Variants in PEAK1 observed in about 807,000 individuals in gnomAD.
PEAK1 encodes the protein pseudopodium enriched atypical kinase 1.
A neutral mutation model predicts 124.7 loss-of-function variants in PEAK1; 54 were observed. That is an observed-to-expected ratio of 0.43 (90% confidence interval 0.35 to 0.54). PEAK1 has a LOEUF of 0.54. Among genes scored for constraint, PEAK1 ranks in the 20% least tolerant of loss-of-function variants. The probability of loss-of-function intolerance (pLI) is 0.01; values close to 1 mark genes in which losing one functional copy is unlikely to be tolerated. For synonymous variants in PEAK1, 719 were observed against 760.0 expected, an observed-to-expected ratio of 0.95 and a Z score of 0.89; for missense variants, 2,046 against 2,134.5, an observed-to-expected ratio of 0.96 and a Z score of 0.82.
chr15:77,373,650 A>G (rs2141714033), intron 1 of PEAK1, among the ~76,000 whole-genome samples: 1 of 152,352 alleles, frequency 6.6e-6, no homozygotes, highest in African/African-American at 2.4e-5. Context: ...ATAAAGGATG[A>G]AGGGGTTCTT....
In PEAK1 at chr15:77,179,856, AC is replaced by A; in HGVS notation, c.2070del (p.Ser692GlnfsTer54). ...CTTTTATGCTCTGTGCTGTTTGAAA[AC>A]CCTTTAGTTTGAAGACAGTCAGTGG... ...SKTTDCLQTK[G>X]FSNSTEHKRG... is the part of the protein sequence containing the mutation. On this transcript the variant is annotated frameshift_variant, in exon 7 of 10. Coordinates refer to ENST00000682557, the MANE Select transcript of PEAK1 (RefSeq NM_001385026.1). LOFTEE classifies it high-confidence loss of function. The A allele has an allele frequency of 6.2e-7, 1 of 1,610,502 alleles. No homozygotes were observed. The highest frequency in any genetic ancestry group is 8.5e-7 in the Non-Finnish European group (1 of 1,178,698).
intron 5 of PEAK1, among the ~76,000 whole-genome samples, chr15:77,273,761 C>A (rs1049145644): frequency 2.0e-5 from 3 of 152,034 alleles, no homozygotes; most frequent in African/African-American, 4.8e-5. Context: ...CCATTCTTCA[C>A]AGAACTAGAA....
chr15:77,164,718 T>C (rs1290981180), intron 7 of PEAK1, among the ~76,000 whole-genome samples: 2 of 152,212 alleles, frequency 1.3e-5, no homozygotes, highest in African/African-American at 4.8e-5. Context: ...GTTGCCATTC[T>C]CAATAAGAAT....
At chr15:77,330,567 G>T (rs997609993) in intron 2 of PEAK1, among the ~76,000 whole-genome samples, 1 of 151,962 alleles carries the variant, frequency 6.6e-6, no homozygotes, top group South Asian at 2.1e-4. Context: ...CTCCTCCCTG[G>T]TTTAACTGTG....
chr15:77,159,880 C>T (rs1596401849), intron 7 of PEAK1, among the ~76,000 whole-genome samples: 2 of 152,126 alleles, frequency 1.3e-5, no homozygotes, highest in Admixed American at 6.6e-5. Context: ...AAAAATAAGC[C>T]TTGATGTCTG....
At chr15:77,236,313 C>T (rs1347230938) in intron 6 of PEAK1, among the ~76,000 whole-genome samples, 3 of 152,212 alleles carry the variant, frequency 2.0e-5, no homozygotes, top group Non-Finnish European at 2.9e-5. Flanking sequence ...TACCCAAGGC[C>T]ATGGGAGCCC....
chr15:77,248,854 T>G (rs1048448457), intron 6 of PEAK1, among the ~76,000 whole-genome samples: 1 of 152,202 alleles, frequency 6.6e-6, no homozygotes, highest in Non-Finnish European at 1.5e-5. Flanking sequence ...AGATGGAGTC[T>G]CACTCTGTCA....
chr15:77,164,208 G>T (rs902894094), intron 7 of PEAK1, among the ~76,000 whole-genome samples: 3 of 152,186 alleles, frequency 2.0e-5, no homozygotes, highest in African/African-American at 7.2e-5. Flanking sequence ...CTCAGATAGA[G>T]AAGTGTGTGT....
intron 7 of PEAK1, among the ~76,000 whole-genome samples, chr15:77,163,054 G>A (rs1285603037): frequency 4.6e-5 from 7 of 152,160 alleles, no homozygotes; most frequent in South Asian, 2.1e-4. Context: ...TCCTACTTCC[G>A]TAATAACTAT....
intron 8 of PEAK1, among the ~76,000 whole-genome samples, chr15:77,134,218 C>G (rs2053126339): frequency 6.6e-6 from 1 of 152,170 alleles, no homozygotes; most frequent in African/African-American, 2.4e-5. Context: ...GACAGGGGCT[C>G]AGAAGATACT....
chr15:77,280,806 TTAGA>T (rs1378401460), intron 5 of PEAK1, among the ~76,000 whole-genome samples: 3 of 152,190 alleles, frequency 2.0e-5, no homozygotes, highest in Admixed American at 2.0e-4. Flanking sequence ...TAGATGATTA[TTAGA>T]TAGCACTCTC....
intron 6 of PEAK1, among the ~76,000 whole-genome samples, chr15:77,246,795 G>A (rs759521295): frequency 7.9e-5 from 12 of 152,058 alleles, no homozygotes; most frequent in Non-Finnish European, 1.5e-4. Context: ...CGAGGTGGGC[G>A]GATCACGAGG....
chr15:77,336,812 T>C (rs115571903), intron 2 of PEAK1, among the ~76,000 whole-genome samples: 1,695 of 151,794 alleles, frequency 0.011, 42 homozygotes, highest in African/African-American at 0.039. Flanking sequence ...GTACATGATA[T>C]AATACTGTAT....
At position 77,133,282 on chromosome 15, in the gene PEAK1, C is replaced by T; in HGVS notation, c.3800G>A (p.Gly1267Asp). 1 of 1,614,256 alleles carries T rather than the reference C, an allele frequency of 6.2e-7. No homozygotes were observed. ...TGCTTGTCTCTGCGGCTTCTGGATG[C>T]CTCGGCCCTGTCTGCAAGAGGGCCC... is the stretch of plus-strand genomic sequence containing the variant. ...RRGPSCRQGR[G>D]IQKPQRQALY... is the part of the protein sequence containing the mutation. Residue 1267 changes from glycine (G) to aspartate (D), a missense_variant, in exon 9 of 10, where the codon GGC becomes GAC. Gly to Asp is a moderately conservative substitution (Grantham distance 94, BLOSUM62 -1). Coordinates refer to ENST00000682557, the MANE Select transcript of PEAK1 (RefSeq NM_001385026.1). The surrounding 1 kb of genome is among the most constrained non-coding windows in gnomAD (Gnocchi z 4.2).
intron 5 of PEAK1, among the ~76,000 whole-genome samples, chr15:77,265,042 GT>G (rs1472288568): frequency 1.3e-5 from 2 of 152,190 alleles, no homozygotes; most frequent in African/African-American, 2.4e-5. Flanking sequence ...TGGGAAAACT[GT>G]CTAGCCATAT....
At chr15:77,150,727 T>A (rs2054547014) in intron 8 of PEAK1, among the ~76,000 whole-genome samples, 1 of 140,138 alleles carries the variant, frequency 7.1e-6, no homozygotes, top group Admixed American at 8.1e-5. Context: ...GTGTTCTCAC[T>A]GGTCAATTCC....
chr15:77,261,940 G>A (rs941225965), intron 5 of PEAK1, among the ~76,000 whole-genome samples: 38 of 152,110 alleles, frequency 2.5e-4, no homozygotes, highest in African/African-American at 8.7e-4. Context: ...CCAGAAGAGA[G>A]TGGGGGCCAA....
At chr15:77,107,929 C>T (rs1409024223), downstream of PEAK1, 2 of 152,252 alleles carry the variant, frequency 1.3e-5, no homozygotes. Context: ...TTTGCTTTCT[C>T]TTTGGGGCCT....
chr15:77,311,706 A>AAG (rs2064472102), intron 2 of PEAK1, among the ~76,000 whole-genome samples: 1 of 136,942 alleles, frequency 7.3e-6, no homozygotes, highest in Non-Finnish European at 1.6e-5. Context: ...AAAAAAAAAA[A>AAG]GAAAAAGAAA....
Sources: gnomAD v4.1 joint callset for allele counts (sites outside exome capture counted in the v4.1 genomes callset) on GRCh38, gnomAD v4.1.1 for gene constraint, Gnocchi (gnomAD v3.1) non-coding constraint, MANE v1.5 for transcripts, NCBI Gene and HGNC (gene_info 2026-07-23, HGNC 2026-07-21) for gene names.